CD24: variants seen among roughly 807,000 people sequenced by gnomAD.
The protein encoded by CD24 is signal transducer CD24.
Under a neutral mutation model 3.6 loss-of-function variants are expected in CD24, and 2 were observed. The ratio of observed to expected loss-of-function variants is 0.56; its 90% confidence interval spans 0.23 to 1.77. The LOEUF (loss-of-function observed/expected upper bound fraction) is 1.77, where lower values mean the gene tolerates loss of function less well. Among genes scored for constraint, CD24 ranks in the 40% most tolerant of loss-of-function variants. The pLI, the probability that CD24 is intolerant of heterozygous loss-of-function variation, is 0.18. For synonymous variants in CD24, 33 were observed against 44.9 expected (o/e 0.74, Z 1.06); for missense variants, 62 against 93.6 (o/e 0.66, Z 1.39).
chr6:106,974,554 C>T (rs1166769285), intron 1 of CD24, 24 bp downstream of exon 1: 18 of 1,399,952 alleles, frequency 1.3e-5, no homozygotes, highest in Non-Finnish European at 1.6e-5. Context: ...GGCCCTCGAG[C>T]CCCGCCGGGC....
At chr6:106,973,913 G>A in intron 1 of CD24, 1 of 398,570 alleles carries the variant, frequency 2.5e-6, no homozygotes, top group East Asian at 3.6e-5. Flanking sequence ...AGCCAATCTG[G>A]GCTAAAATAA....
chr6:106,974,776 A>T, upstream of CD24: 1 of 946,200 alleles, frequency 1.1e-6, no homozygotes. Flanking sequence ...GGAAAGCCAC[A>T]ATAGCCGTGA....
intron 1 of CD24, chr6:106,974,166 TTCCTAGGG>T: frequency 2.7e-6 from 1 of 371,586 alleles, no homozygotes; most frequent in Non-Finnish European, 4.7e-6. Context: ...CGCGAAGACA[TTCCTAGGG>T]GAAAGCGAGT....
At chr6:106,973,780 C>T (rs1313196192) in intron 1 of CD24, 5 of 398,306 alleles carry the variant, frequency 1.3e-5, no homozygotes, top group African/African-American at 6.2e-5. Context: ...CCCGGGTACC[C>T]GCACCCGGGG....
upstream of CD24, chr6:106,975,094 G>A (rs1773076590): frequency 6.6e-6 from 1 of 152,064 alleles, no homozygotes; most frequent in Admixed American, 6.5e-5. Flanking sequence ...CTGGGGGCCG[G>A]GCCCAAGTTT....
chr6:106,971,957 C>A, intron 1 of CD24, 123 bp from the exon 2 acceptor site: 1 of 676,336 alleles, frequency 1.5e-6, no homozygotes. Flanking sequence ...TTCTCTTACC[C>A]AACATCATTA....
At chr6:106,976,550 T>C (rs1365148378), upstream of CD24, among the ~76,000 whole-genome samples, 2 of 152,234 alleles carry the variant, frequency 1.3e-5, no homozygotes, top group East Asian at 1.9e-4. Flanking sequence ...CCACATTATA[T>C]AGAAATACTT....
rs1772942525 is a variant in CD24, at chr6:106,970,454, T to C, written c.*1207A>G. 4 of 152,648 alleles carry C rather than the reference T, an allele frequency of 2.6e-5. No individual in the cohort carries two copies. Among genetic ancestry groups the C allele is most frequent in the African/African-American group, 9.7e-5 (4 of 41,448 alleles). 9.5% of individuals were successfully genotyped at this position (152,648 alleles called of 1,614,324 possible). On this transcript the variant is annotated 3_prime_UTR_variant, in exon 2 of 2. Coordinates refer to ENST00000606017, the MANE Select transcript of CD24 (RefSeq NM_001359084.1). Reference sequence around the variant, plus strand: ...GCCTTCTTAATTTCAAGATTTGCAATTTTGCCTTCAAAACAGATCATTTTT... The same window carrying C: ...GCCTTCTTAATTTCAAGATTTGCAACTTTGCCTTCAAAACAGATCATTTTT...
rs1772953147 is a variant in CD24 at position 106,970,802 on chromosome 6, A to T, written c.*859T>A. 6.6e-6 allele frequency: 1 copy of T among 152,222 alleles called. No individual in the cohort carries two copies. Among genetic ancestry groups the T allele is most frequent in the African/African-American group, 2.4e-5 (1 of 41,452 alleles). The allele number at this position is 152,222 out of a possible 1,614,324, so 9.4% of individuals were successfully genotyped here. On this transcript the variant is annotated 3_prime_UTR_variant, in exon 2 of 2. Transcript: ENST00000606017. ...ACTCCGGCCTGGGCGACAAAGTGAG[A>T]CTGTCTAAAAAATAATAATAATAAA...
Sources: gnomAD v4.1 joint callset for allele counts (sites outside exome capture counted in the v4.1 genomes callset) on GRCh38, gnomAD v4.1.1 for gene constraint, MANE v1.5 for transcripts, NCBI Gene and HGNC (gene_info 2026-07-23, HGNC 2026-07-21) for gene names.